Variants in PRKAR1B observed in about 807,000 individuals in gnomAD.
PRKAR1B encodes cAMP-dependent protein kinase type I-beta regulatory subunit.
Under a neutral mutation model 46.5 loss-of-function variants are expected in PRKAR1B, and 22 were observed. The observed-to-expected ratio is 0.47, with a 90% CI of 0.34 to 0.68. The LOEUF is 0.68. Ranked by LOEUF, PRKAR1B falls within the 30% of genes least tolerant of loss-of-function variation. The pLI, the probability that PRKAR1B is intolerant of heterozygous loss-of-function variation, is 0.01. For synonymous variants in PRKAR1B, 259 were observed against 217.7 expected, an observed-to-expected ratio of 1.19 and a Z score of -1.67; for missense variants, 445 against 535.6, an observed-to-expected ratio of 0.83 and a Z score of 1.67.
At chr7:674,198 GCCCAGCTACTCCAGCCACA>G (rs1786451354) in intron 4 of PRKAR1B, among the ~76,000 whole-genome samples, 1 of 152,120 alleles carries the variant, frequency 6.6e-6, no homozygotes, top group South Asian at 2.1e-4. Flanking sequence ...GAGTAGCCAT[GCCCAGCTACTCCAGCCACA>G]CCCAGCTACT....
chr7:559,402 C>T (rs761860268), intron 9 of PRKAR1B, among the ~76,000 whole-genome samples: 10 of 152,108 alleles, frequency 6.6e-5, no homozygotes, highest in East Asian at 1.9e-4. Context: ...AGGGCCAGGA[C>T]GGGGGCTCAG....
At position 593,188 on chromosome 7, in the gene PRKAR1B, G is replaced by A. The variant is rs2128454778; in HGVS notation, c.708+2958C>T. On this transcript the variant is annotated intron_variant, in intron 7 of 10. Transcript: ENST00000537384. This position sits in a 1 kb window ranked among gnomAD's most constrained non-coding sequence, Gnocchi z 6.1. Reference sequence around the variant, plus strand: ...CGGTGGAGGAAAGAGACGGGCATCAGGGAGTCTCCCAGATCAGACACTCTG... The same window carrying A: ...CGGTGGAGGAAAGAGACGGGCATCAAGGAGTCTCCCAGATCAGACACTCTG... Among the ~76,000 whole-genome samples, 1 of 152,294 alleles carries A rather than the reference G, an allele frequency of 6.6e-6. No homozygotes were observed. Among genetic ancestry groups the A allele is most frequent in the African/African-American group, 2.4e-5 (1 of 41,572 alleles).
At chr7:617,384 A>G (rs1698832825) in intron 4 of PRKAR1B, among the ~76,000 whole-genome samples, 1 of 149,218 alleles carries the variant, frequency 6.7e-6, no homozygotes, top group African/African-American at 2.5e-5. Flanking sequence ...AGCTCACTTC[A>G]GCCTTGACCT....
intron 4 of PRKAR1B, 66 bp downstream of exon 4, chr7:677,163 C>T (rs1028527093): frequency 1.5e-5 from 22 of 1,494,628 alleles, no homozygotes; most frequent in Non-Finnish European, 1.9e-5. Context: ...AGTGGCGGGA[C>T]CTGCCCACCT....
intron 2 of PRKAR1B, among the ~76,000 whole-genome samples, chr7:681,471 G>A (rs866784302): frequency 6.6e-6 from 1 of 152,084 alleles, no homozygotes; most frequent in Admixed American, 6.5e-5. Flanking sequence ...TTTTATAACT[G>A]CCTGCACATC....
intron 7 of PRKAR1B, among the ~76,000 whole-genome samples, chr7:585,420 A>G (rs1401452441): frequency 6.6e-6 from 1 of 152,188 alleles, no homozygotes; most frequent in East Asian, 1.9e-4. Context: ...CCAAAAACAG[A>G]GACACAGAGT....
intron 9 of PRKAR1B, among the ~76,000 whole-genome samples, chr7:566,195 C>A (rs1163039712): frequency 6.6e-6 from 1 of 151,902 alleles, no homozygotes; most frequent in Admixed American, 6.6e-5. Context: ...TAACCACAAC[C>A]ACCATGGCCA....
intron 9 of PRKAR1B, among the ~76,000 whole-genome samples, chr7:578,103 C>T (rs970965680): frequency 1.3e-5 from 2 of 152,200 alleles, no homozygotes; most frequent in East Asian, 1.9e-4. Flanking sequence ...GCGTGGCTTA[C>T]GGAGAGTGGC....
At position 619,317 on chromosome 7, in the gene PRKAR1B, C is replaced by T. The variant is rs150069187; in HGVS notation, c.441-11865G>A. 7.1e-4 allele frequency among the ~76,000 whole-genome samples: 108 copies of T among 152,326 alleles called. 1 individual carries two copies. The highest frequency in any genetic ancestry group is 3.4e-3 in the Middle Eastern group (1 of 294). ...ACTTCTGGCCTCCAGAAGCATGAGA[C>T]GCTTGATCACTGTTGTTAAGGCCAA... On this transcript the variant is annotated intron_variant, in intron 4 of 10. Coordinates refer to ENST00000537384, the MANE Select transcript of PRKAR1B (RefSeq NM_001164760.2).
chr7:670,868 C>A (rs1240642903), intron 4 of PRKAR1B, among the ~76,000 whole-genome samples: 1 of 152,136 alleles, frequency 6.6e-6, no homozygotes. Context: ...CCGAGCTCCC[C>A]CATGCCACGG....
At chr7:606,612 A>AT (rs1415415194) in intron 5 of PRKAR1B, among the ~76,000 whole-genome samples, 1 of 151,442 alleles carries the variant, frequency 6.6e-6, no homozygotes, top group Non-Finnish European at 1.5e-5. Context: ...CGCCCAGCTA[A>AT]TTTTTTTGTA....
At chr7:716,213 C>T (rs1305660539) in intron 1 of PRKAR1B, among the ~76,000 whole-genome samples, 2 of 141,854 alleles carry the variant, frequency 1.4e-5, no homozygotes, top group African/African-American at 5.3e-5. Flanking sequence ...ACACCTGGTA[C>T]TTAAAAACAT....
chr7:664,133 GC>G (rs1785773046), intron 4 of PRKAR1B, among the ~76,000 whole-genome samples: 1 of 152,080 alleles, frequency 6.6e-6, no homozygotes, highest in Non-Finnish European at 1.5e-5. Flanking sequence ...CCTTCGCCTG[GC>G]CTCTCTCCAC....
At chr7:658,926 T>C (rs1209363219) in intron 4 of PRKAR1B, among the ~76,000 whole-genome samples, 1 of 152,156 alleles carries the variant, frequency 6.6e-6, no homozygotes. Context: ...GCTGGGGTTA[T>C]AGACATGAGC....
At chr7:670,826 C>T (rs1583394101) in intron 4 of PRKAR1B, among the ~76,000 whole-genome samples, 1 of 151,418 alleles carries the variant, frequency 6.6e-6, no homozygotes, top group African/African-American at 2.4e-5. Flanking sequence ...GCCGTGGCAT[C>T]CGGCAGCGGG....
chr7:596,661 G>A (rs1781283301), intron 6 of PRKAR1B, among the ~76,000 whole-genome samples: 1 of 152,238 alleles, frequency 6.6e-6, no homozygotes, highest in Non-Finnish European at 1.5e-5. Context: ...GATTCAATCC[G>A]TCAACTTCTC....
intron 2 of PRKAR1B, among the ~76,000 whole-genome samples, chr7:691,107 G>A (rs1243932491): frequency 6.5e-4 from 98 of 150,128 alleles, no homozygotes; most frequent in African/African-American, 2.4e-3. Context: ...AGGGTCCCAC[G>A]CCCACCCACA....
rs1269563736 is a variant in PRKAR1B, at chr7:685,349, T to C, written c.178-4623A>G. ...ATACGTATATATACGTATATATATG[T>C]ATACATATATATATACACATATATA... On this transcript the variant is annotated intron_variant, in intron 2 of 10. Coordinates refer to ENST00000537384, the MANE Select transcript of PRKAR1B (RefSeq NM_001164760.2). Among the ~76,000 whole-genome samples, 109 of 71,044 alleles carry C rather than the reference T, an allele frequency of 1.5e-3. 21 individuals carry two copies. The highest frequency in any genetic ancestry group is 6.1e-3 in the African/African-American group (96 of 15,808). 46.6% of individuals were successfully genotyped at this position (71,044 alleles called of 152,430 possible). A position where few individuals can be genotyped will look rare whatever the true frequency, so the allele number is the denominator to read the frequency against.
intron 2 of PRKAR1B, among the ~76,000 whole-genome samples, chr7:682,370 T>C (rs1459652119): frequency 6.6e-6 from 1 of 151,962 alleles, no homozygotes; most frequent in African/African-American, 2.4e-5. Context: ...GGCTCACGCC[T>C]ATAATCCCAG....
Sources: gnomAD v4.1 joint callset for allele counts (sites outside exome capture counted in the v4.1 genomes callset) on GRCh38, gnomAD v4.1.1 for gene constraint, Gnocchi (gnomAD v3.1) non-coding constraint, MANE v1.5 for transcripts, NCBI Gene and HGNC (gene_info 2026-07-23, HGNC 2026-07-21) for gene names.